Variants in DNAH1 observed in about 807,000 individuals in gnomAD.
The protein encoded by DNAH1 is axonemal beta dynein heavy chain 1.
In DNAH1, 327 loss-of-function variants were observed where a neutral mutation model predicts 484.3. The observed-to-expected ratio is 0.68, with a 90% CI of 0.62 to 0.74. DNAH1 has a LOEUF of 0.74. Among genes scored for constraint, DNAH1 ranks in the 30% least tolerant of loss-of-function variants. The pLI is 0.00. For synonymous variants in DNAH1, 2,192 were observed against 2,191.9 expected (o/e 1.00, Z 0.00); for missense variants, 5,052 against 5,546.8 (o/e 0.91, Z 2.83).
chr3:52,324,036 T>C (rs1011592077), intron 3 of DNAH1, among the ~76,000 whole-genome samples, 156 bp downstream of exon 3: 9 of 152,108 alleles, frequency 5.9e-5, no homozygotes, highest in Non-Finnish European at 1.5e-5. Context: ...AATTACCCAC[T>C]CATGGTGAGT....
At position 52,378,674 on chromosome 3, in the gene DNAH1, C is replaced by A; in HGVS notation, c.7271C>A (p.Thr2424Asn). The A allele has an allele frequency of 1.2e-6, 2 of 1,613,846 alleles. No homozygotes were observed. Among genetic ancestry groups the A allele is most frequent in the South Asian group, 2.2e-5 (2 of 91,078 alleles). ...ACCATCATGGTGTATGCAACCATCA[C>A]CTCCCAGCTGCTGCCCACTCCAGCC... ...EATIMVYATI[T>N]SQLLPTPAKS... Residue 2424 changes from threonine to asparagine, a missense_variant, in exon 47 of 78, where the codon ACC (threonine) becomes AAC (asparagine). By Grantham distance (65) the Thr-to-Asn change is moderately conservative. Transcript: ENST00000420323.
At position 52,352,025 on chromosome 3, in the gene DNAH1, T is replaced by C. The variant is rs774856786; in HGVS notation, c.2793T>C (p.His931=). ...LGQIELVQQQ[H]VEDEEKFRKI... ...AGATAGAGCTGGTGCAGCAGCAGCA[T>C]GTGGAGGATGAGGAGAAGTTCCGCA... Residue 931 remains histidine, a synonymous_variant, in exon 17 of 78, where the codon CAT becomes CAC. Transcript: ENST00000420323. 2.5e-6 allele frequency: 4 copies of C among 1,598,052 alleles called. No homozygotes were observed. The Admixed American group carries it at 5.2e-5, about 21-fold the overall frequency.
At chr3:52,367,871 C>G (rs1235070348) in intron 36 of DNAH1, among the ~76,000 whole-genome samples, 1 of 152,220 alleles carries the variant, frequency 6.6e-6, no homozygotes, top group Admixed American at 6.5e-5. Context: ...CTGCACCCAG[C>G]CCTCAATGAT....
Position 52,379,223 on chromosome 3 carries a change from G to T in DNAH1, c.7377+443G>T, listed in dbSNP as rs773896984. On this transcript the variant is annotated intron_variant, in intron 47 of 77. Transcript: ENST00000420323. The surrounding 1 kb of genome is among the most constrained non-coding windows in gnomAD (Gnocchi z 4.4). The stretch of plus-strand genomic sequence containing the variant: ...TGGAGCTTAAATTTGTTCTGAGGGT[G>T]TAATGAGCCGTGTGGGTGGGCGGGG... Among the ~76,000 whole-genome samples, 23 of 152,136 alleles carry T rather than the reference G, an allele frequency of 1.5e-4. No individual in the cohort carries two copies. The highest frequency in any genetic ancestry group is 5.9e-4 in the Admixed American group (9 of 15,284).
intron 44 of DNAH1, 21 bp from the exon 45 acceptor site, chr3:52,375,219 G>T (rs1703535697): frequency 1.3e-6 from 2 of 1,584,324 alleles, no homozygotes; most frequent in South Asian, 1.2e-5. Flanking sequence ...GGCCCTTCCT[G>T]ACTTCCTGCC....
Position 52,399,774 on chromosome 3 carries a change from G to T in DNAH1, c.12671G>T (p.Arg4224Leu). Residue 4224 changes from arginine to leucine, a missense_variant, in exon 77 of 78, where the codon CGT becomes CTT. Arg to Leu is a moderately radical substitution (Grantham distance 102). This residue lies in a region of DNAH1 where 853 missense variants were observed against 899.0 expected (regional missense o/e 0.95). Transcript: ENST00000420323. ...TGCCCCATCTACAAGACACTGACTC[G>T]TGCTGGTATGAGGCCTGGGATGGGA... ...YLCPIYKTLT[R>L]AGTLSTTGHS... The T allele has an allele frequency of 6.2e-7, 1 of 1,613,640 alleles. No individual in the cohort carries two copies. Among genetic ancestry groups the T allele is most frequent in the Non-Finnish European group, 8.5e-7 (1 of 1,179,732 alleles).
chr3:52,374,553 G>A lies in DNAH1; in HGVS notation c.6986-687G>A, dbSNP rs1331129699. On this transcript the variant is annotated intron_variant, in intron 44 of 77. Coordinates refer to ENST00000420323, the MANE Select transcript of DNAH1 (RefSeq NM_015512.5). The stretch of plus-strand genomic sequence containing the variant: ...CATGGAGCCCCTCTTCCGGCAGTTG[G>A]CCAAATGTGTCTCCAGCCCACACTT... 36 of 1,500,314 alleles carry A rather than the reference G, an allele frequency of 2.4e-5. No individual in the cohort carries two copies. In the Middle Eastern group the frequency reaches 5.1e-4, roughly 21 times the overall value. 92.9% of individuals were successfully genotyped at this position (1,500,314 alleles called of 1,614,324 possible). A position where few individuals can be genotyped will look rare whatever the true frequency, so the allele number is the denominator to read the frequency against.
In DNAH1 at chr3:52,372,093, A is replaced by G. The variant is rs1559543264; in HGVS notation, c.6666+7A>G. The G allele has an allele frequency of 6.2e-7, 1 of 1,611,858 alleles. No individual in the cohort carries two copies. The highest frequency in any genetic ancestry group is 1.7e-5 in the Admixed American group (1 of 59,928). ...GCTCACCAACAAGAAGCCCGTGAGCACCCCCCCAGGCCCTGCCTCCACTGT... is the reference window on the plus strand; with the variant it reads ...GCTCACCAACAAGAAGCCCGTGAGCGCCCCCCCAGGCCCTGCCTCCACTGT... On this transcript the variant is annotated splice_region_variant and intron_variant, in intron 42 of 77. Coordinates refer to ENST00000420323, the MANE Select transcript of DNAH1 (RefSeq NM_015512.5).
chr3:52,390,177 G>A (rs1395484665), intron 60 of DNAH1, among the ~76,000 whole-genome samples: 2 of 152,094 alleles, frequency 1.3e-5, no homozygotes, highest in Admixed American at 6.5e-5. Flanking sequence ...CCACAGTAGG[G>A]TTTAGAAGGG....
rs757839288 is a variant in DNAH1 at position 52,370,582 on chromosome 3, A to C, written c.6364A>C (p.Ser2122Arg). ...GAGCGTGGGTGCCACTGGGGACAGCAGTGGCCGCACCAGTTTCAGCCACTG... is the reference window on the plus strand; with the variant it reads ...GAGCGTGGGTGCCACTGGGGACAGCCGTGGCCGCACCAGTTTCAGCCACTG... ...IWSVGATGDS[S>R]GRTSFSHWLR... The change falls in exon 40 of 78, where the codon AGT (serine) becomes CGT (arginine). Residue 2122 changes from serine (S) to arginine (R), a missense_variant. Physicochemically the swap from Ser to Arg is moderately radical, Grantham distance 110. Around this residue, in one of 4 missense-constraint regions of DNAH1, gnomAD observed 2,929 missense variants for 3,409.4 expected, o/e 0.86. Transcript: ENST00000420323. The C allele has an allele frequency of 6.2e-7, 1 of 1,613,462 alleles. No individual in the cohort carries two copies. Among genetic ancestry groups the C allele is most frequent in the Non-Finnish European group, 8.5e-7 (1 of 1,179,680 alleles).
chr3:52,326,864 A>G lies in DNAH1; in HGVS notation c.711A>G (p.Pro237=). 1 of 1,613,062 alleles carries G rather than the reference A, an allele frequency of 6.2e-7. No homozygotes were observed. Among genetic ancestry groups the G allele is most frequent in the South Asian group, 1.1e-5 (1 of 90,936 alleles). ...HPQTIEQGHD[P]IFPIYLPLKV... ...AAACCATCGAACAGGGCCATGACCC[A>G]ATCTTCCCCATCTACCTCCCACTGA... The change falls in exon 5 of 78, where the codon CCA becomes CCG. Residue 237 remains proline (P), a synonymous_variant. Transcript: ENST00000420323.
Position 52,344,510 on chromosome 3 carries a change from G to A in DNAH1, c.1307G>A (p.Ser436Asn). ...GGCAGGGTTCTAGAGCACCTCAGCA[G>A]TCTTGCCAGAGAAGTGAGCCTGGAC... ...KGPSVLEHLS[S>N]LAREVSLDYE... is the part of the protein sequence containing the mutation. Residue 436 changes from serine (S) to asparagine (N), a missense_variant, in exon 9 of 78, where the codon AGT becomes AAT. Transcript: ENST00000420323. The A allele has an allele frequency of 6.2e-7, 1 of 1,613,972 alleles. No individual in the cohort carries two copies. The highest frequency in any genetic ancestry group is 1.1e-5 in the South Asian group (1 of 91,086).
rs757608264 is a variant in DNAH1 at position 52,366,898 on chromosome 3, C to T, written c.5765+11C>T. ...CCTCACCCATGAGTGGTGAGTGACC[C>T]CCCAGCCTCACCGGTGACCCCCTGC... On this transcript the variant is annotated intron_variant, in intron 36 of 77. Transcript: ENST00000420323. The T allele has an allele frequency of 1.0e-5, 16 of 1,600,596 alleles. No individual in the cohort carries two copies. The highest frequency in any genetic ancestry group is 1.3e-5 in the Non-Finnish European group (15 of 1,170,104).
rs1308838094 is a variant in DNAH1, at chr3:52,350,081, C to T, written c.2619C>T (p.Gly873=). Residue 873 remains glycine (G), a synonymous_variant, in exon 15 of 78, where the codon GGC becomes GGT. Coordinates refer to ENST00000420323, the MANE Select transcript of DNAH1 (RefSeq NM_015512.5). ...ELAELREWMK[G]IPERLVGLEE... ...CTGAGCTGCGAGAGTGGATGAAGGG[C>T]ATCCCGGAGAGGCTGGTGGGCCTGG... The T allele has an allele frequency of 1.9e-6, 3 of 1,612,572 alleles. No individual in the cohort carries two copies. The highest frequency in any genetic ancestry group is 1.3e-5 in the African/African-American group (1 of 74,888).
chr3:52,353,134 T>C lies in DNAH1; in HGVS notation c.3059T>C (p.Phe1020Ser), dbSNP rs1412628743. ...AAGCTCTCCAGGATGGTGAAGGAGT[T>C]CCAACCCTACCTGGACCTTTGGACC... The part of the protein sequence containing the change: ...YDKLSRMVKE[F>S]QPYLDLWTTA... Residue 1020 changes from phenylalanine to serine, a missense_variant, in exon 19 of 78, where the codon TTC becomes TCC. Phe to Ser is a radical substitution (Grantham distance 155, BLOSUM62 -2). Transcript: ENST00000420323. The surrounding 1 kb of genome is among the most constrained non-coding windows in gnomAD (Gnocchi z 5.0). 6.2e-7 allele frequency: 1 copy of C among 1,613,036 alleles called. No individual in the cohort carries two copies. Among genetic ancestry groups the C allele is most frequent in the Non-Finnish European group, 8.5e-7 (1 of 1,179,450 alleles).
chr3:52,374,548 A>C, intron 44 of DNAH1: 4 of 1,498,392 alleles, frequency 2.7e-6, no homozygotes, highest in Middle Eastern at 1.7e-4. Context: ...CTCTTCCGGC[A>C]GTTGGCCAAA....
intron 11 of DNAH1, among the ~76,000 whole-genome samples, chr3:52,347,416 T>C (rs1702187652): frequency 6.6e-6 from 1 of 152,078 alleles, no homozygotes; most frequent in South Asian, 2.1e-4. Flanking sequence ...AGGTCTCAGC[T>C]GGGGGCTGGA....
chr3:52,356,598 C>T lies in DNAH1; in HGVS notation c.3694-16C>T. 6.2e-7 allele frequency: 1 copy of T among 1,611,658 alleles called. No homozygotes were observed. Among genetic ancestry groups the T allele is most frequent in the Non-Finnish European group, 8.5e-7 (1 of 1,179,640 alleles). The stretch of plus-strand genomic sequence containing the variant: ...ACAGTCCATATCACACCCCTCCCTG[C>T]CCCTCCCCTCCCCAGGAGGTTCTGG... On this transcript the variant is annotated splice_polypyrimidine_tract_variant and intron_variant, in intron 21 of 77. Coordinates refer to ENST00000420323, the MANE Select transcript of DNAH1 (RefSeq NM_015512.5).
At position 52,326,185 on chromosome 3, in the gene DNAH1, A is replaced by G; in HGVS notation, c.452A>G (p.Gln151Arg). 6.2e-7 allele frequency: 1 copy of G among 1,612,810 alleles called. No homozygotes were observed. The highest frequency in any genetic ancestry group is 1.1e-5 in the South Asian group (1 of 90,696). ...VPEDFQERME[Q>R]QCIGSTTRLL... ...GAAGACTTCCAGGAGCGCATGGAGC[A>G]GCAGTGCATCGGGTCCACCACCCGG... is the stretch of plus-strand genomic sequence containing the variant. The change falls in exon 4 of 78, where the codon CAG (glutamine) becomes CGG (arginine). Residue 151 changes from glutamine to arginine, a missense_variant. Coordinates refer to ENST00000420323, the MANE Select transcript of DNAH1 (RefSeq NM_015512.5).
Sources: allele counts gnomAD v4.1 joint callset (sites outside exome capture counted in the v4.1 genomes callset), GRCh38; gene constraint gnomAD v4.1.1; regional missense constraint gnomAD v4.1.1; non-coding constraint Gnocchi (gnomAD v3.1); transcripts MANE v1.5; gene names NCBI Gene and HGNC (gene_info 2026-07-23, HGNC 2026-07-21).